PRKD1: variants seen among roughly 807,000 people sequenced by gnomAD.
PRKD1 encodes the protein protein kinase D1, also known as serine/threonine-protein kinase D1.
A neutral mutation model predicts 95.9 loss-of-function variants in PRKD1; 63 were observed. That is an observed-to-expected ratio of 0.66 (90% CI 0.54 to 0.81). PRKD1 has a LOEUF of 0.81. Ranked by LOEUF, PRKD1 falls within the 30% of genes least tolerant of loss-of-function variation. The pLI, the probability that PRKD1 is intolerant of heterozygous loss-of-function variation, is 0.00. For missense variants in PRKD1, 1,048 were observed against 1,165.3 expected (o/e 0.90, Z 1.47); for synonymous variants, 425 against 423.1 (o/e 1.00, Z -0.05).
chr14:29,619,488 G>C (rs560680846), intron 13 of PRKD1, among the ~76,000 whole-genome samples: 1 of 152,258 alleles, frequency 6.6e-6, no homozygotes, highest in African/African-American at 2.4e-5. Flanking sequence ...GGATACATTA[G>C]TAAACAAATC....
intron 13 of PRKD1, among the ~76,000 whole-genome samples, chr14:29,609,717 T>TC (rs796085581): frequency 9.4e-6 from 1 of 106,820 alleles, no homozygotes; most frequent in African/African-American, 3.4e-5. Context: ...TTTCTTTATT[T>TC]TTTTTTTTTT....
chr14:29,798,924 T>C (rs1271999299), intron 1 of PRKD1, among the ~76,000 whole-genome samples: 1 of 152,244 alleles, frequency 6.6e-6, no homozygotes, highest in Admixed American at 6.5e-5. Context: ...CTACCCCCTC[T>C]GTCCTTGAGT....
intron 1 of PRKD1, among the ~76,000 whole-genome samples, chr14:29,779,741 T>C (rs1178494588): frequency 2.0e-5 from 3 of 151,982 alleles, no homozygotes; most frequent in Admixed American, 6.6e-5. Context: ...CAATGCCATC[T>C]CCATCAAGCT....
chr14:29,691,524 C>A (rs902756972), intron 2 of PRKD1, among the ~76,000 whole-genome samples: 1 of 152,156 alleles, frequency 6.6e-6, no homozygotes, highest in Non-Finnish European at 1.5e-5. Context: ...TCAACAGCTC[C>A]AAGTCCATAT....
At chr14:29,835,969 T>C (rs1206587764) in intron 1 of PRKD1, among the ~76,000 whole-genome samples, 3 of 152,134 alleles carry the variant, frequency 2.0e-5, no homozygotes, top group Non-Finnish European at 2.9e-5. Context: ...CCCAATATAA[T>C]GTATTAAAAG....
intron 1 of PRKD1, among the ~76,000 whole-genome samples, chr14:29,891,819 G>C (rs924272446): frequency 6.6e-6 from 1 of 152,092 alleles, no homozygotes; most frequent in Non-Finnish European, 1.5e-5. Context: ...ATTCAATTCA[G>C]AAATAGAATT....
chr14:29,809,723 C>T (rs1169908462), intron 1 of PRKD1, among the ~76,000 whole-genome samples: 1 of 152,172 alleles, frequency 6.6e-6, no homozygotes, highest in African/African-American at 2.4e-5. Flanking sequence ...GTTGTGGCTG[C>T]TTTGATCTTC....
intron 4 of PRKD1, among the ~76,000 whole-genome samples, chr14:29,651,053 C>G (rs562073009): frequency 6.6e-6 from 1 of 152,284 alleles, no homozygotes; most frequent in South Asian, 2.1e-4. Flanking sequence ...GCCCATAATA[C>G]TCAATGTCAA....
rs926117987 is a variant in PRKD1, at chr14:29,649,229, T to C, written c.697-10325A>G. On this transcript the variant is annotated intron_variant, in intron 4 of 17. Coordinates refer to ENST00000331968, the MANE Select transcript of PRKD1 (RefSeq NM_002742.3). The stretch of plus-strand genomic sequence containing the variant: ...TTGATTGTTTTTTCACAGGTGATAC[T>C]GGAGGCGTGTATTTATTTGAGCTTT... Among the ~76,000 whole-genome samples, 12 of 152,270 alleles carry C rather than the reference T, an allele frequency of 7.9e-5. No homozygotes were observed. The East Asian group carries it at 1.9e-3, about 25-fold the overall frequency.
chr14:29,773,804 C>T lies in PRKD1; in HGVS notation c.265-48130G>A, dbSNP rs190963260. ...CACGAGACAATGAAATGTACCCAGG[C>T]AACCTGGAAACAGTTCCAAAGTTAC... On this transcript the variant is annotated intron_variant, in intron 1 of 17. Coordinates refer to ENST00000331968, the MANE Select transcript of PRKD1 (RefSeq NM_002742.3). 5.3e-5 allele frequency among the ~76,000 whole-genome samples: 8 copies of T among 152,290 alleles called. No individual in the cohort carries two copies. The East Asian group carries it at 1.3e-3, about 26-fold the overall frequency.
chr14:29,646,826 A>G (rs989480765), intron 4 of PRKD1, among the ~76,000 whole-genome samples: 5 of 151,900 alleles, frequency 3.3e-5, no homozygotes, highest in African/African-American at 9.7e-5. Flanking sequence ...AGGAGTGGGG[A>G]TTTTCCAGCA....
At chr14:29,639,012 T>A (rs1482873684) in intron 4 of PRKD1, 108 bp from the exon 5 acceptor site, 3 of 808,552 alleles carry the variant, frequency 3.7e-6, no homozygotes, top group Non-Finnish European at 5.7e-6. Flanking sequence ...ACTTTGATGT[T>A]TAATAATATG....
Position 29,656,464 on chromosome 14 carries a change from A to G in PRKD1, c.696+7235T>C, listed in dbSNP as rs369819510. 232 of 1,532,992 alleles carry G rather than the reference A, an allele frequency of 1.5e-4. 1 individual carries two copies. In the South Asian group the frequency reaches 2.5e-3, roughly 17 times the overall value. The allele number at this position is 1,532,992 out of a possible 1,614,324, so 95.0% of individuals were successfully genotyped here. ...AAGCAAATTTCTAGCACCAGGTAGC[A>G]TTAGTACCTACCTCAAAGCCAGGAC... On this transcript the variant is annotated intron_variant, in intron 4 of 17. Transcript: ENST00000331968.
intron 1 of PRKD1, among the ~76,000 whole-genome samples, chr14:29,775,811 A>G (rs1225506449): frequency 6.6e-6 from 1 of 152,148 alleles, no homozygotes; most frequent in Non-Finnish European, 1.5e-5. Context: ...TTCTCCCAGC[A>G]TGGAGTTTGA....
chr14:29,822,997 T>G (rs1480604113), intron 1 of PRKD1, among the ~76,000 whole-genome samples: 1 of 152,192 alleles, frequency 6.6e-6, no homozygotes, highest in Non-Finnish European at 1.5e-5. Context: ...TTGGAAACAA[T>G]GCAGCCAGGT....
chr14:29,708,853 T>A (rs1215036664), intron 2 of PRKD1, among the ~76,000 whole-genome samples: 2 of 152,006 alleles, frequency 1.3e-5, no homozygotes, highest in Admixed American at 1.3e-4. Context: ...ACAGAGCAAG[T>A]CCCTGTCTCA....
chr14:29,911,998 C>T (rs949807000), intron 1 of PRKD1, among the ~76,000 whole-genome samples: 3 of 152,166 alleles, frequency 2.0e-5, no homozygotes, highest in Non-Finnish European at 2.9e-5. Flanking sequence ...TTCCTTGGCT[C>T]ATGGCCCATT....
At chr14:29,921,258 T>C (rs1382547319) in intron 1 of PRKD1, among the ~76,000 whole-genome samples, 1 of 152,128 alleles carries the variant, frequency 6.6e-6, no homozygotes, top group East Asian at 1.9e-4. Context: ...GTTTGAGATT[T>C]GAGAAACTGT....
Position 29,727,765 on chromosome 14 carries a change from G to A in PRKD1, c.265-2091C>T, listed in dbSNP as rs573386197. Among the ~76,000 whole-genome samples, 19 of 152,138 alleles carry A rather than the reference G, an allele frequency of 1.2e-4. 1 individual carries two copies. The South Asian group carries it at 3.8e-3, about 30-fold the overall frequency. ...GCAAAGACTTGGAACCAACCCAAATGTCCAACAATGATAGACTGGATTAAG... is the reference window on the plus strand; with the variant it reads ...GCAAAGACTTGGAACCAACCCAAATATCCAACAATGATAGACTGGATTAAG... On this transcript the variant is annotated intron_variant, in intron 1 of 17. Transcript: ENST00000331968.
Sources: allele counts gnomAD v4.1 joint callset (sites outside exome capture counted in the v4.1 genomes callset), GRCh38; gene constraint gnomAD v4.1.1; transcripts MANE v1.5; gene names NCBI Gene and HGNC (gene_info 2026-07-23, HGNC 2026-07-21).